The following MRAS variants were observed in gnomAD, a reference collection of about 807,000 sequenced individuals.
The protein encoded by MRAS is muscle RAS oncogene homolog.
In MRAS, 4 loss-of-function variants were observed where a neutral mutation model predicts 20.9. That is an observed-to-expected ratio of 0.19 (90% CI 0.09 to 0.44). The LOEUF (loss-of-function observed/expected upper bound fraction) is 0.44, where lower values mean the gene tolerates loss of function less well. MRAS is among the 20% of genes least tolerant of loss of function. The pLI is 0.99. For synonymous variants in MRAS, 98 were observed against 102.9 expected (o/e 0.95, Z 0.29); for missense variants, 154 against 277.5 (o/e 0.56, Z 3.16).
intron 1 of MRAS, among the ~76,000 whole-genome samples, chr3:138,365,848 G>A (rs945049037): frequency 6.6e-6 from 1 of 152,120 alleles, no homozygotes; most frequent in Admixed American, 6.6e-5. Flanking sequence ...CTCTGGGAAT[G>A]GGGGGGAGCA....
chr3:138,350,311 G>GT (rs1402455364), intron 1 of MRAS: 1 of 152,188 alleles, frequency 6.6e-6, no homozygotes, highest in East Asian at 1.9e-4. Context: ...TCGGGCAATG[G>GT]TTTTCACCCT....
intron 1 of MRAS, among the ~76,000 whole-genome samples, chr3:138,357,872 G>A (rs1462057167): frequency 6.6e-6 from 1 of 152,242 alleles, no homozygotes; most frequent in African/African-American, 2.4e-5. Context: ...CACCCTTGGA[G>A]AATGTCTCTG....
In MRAS at chr3:138,397,478, G is replaced by T; in HGVS notation, c.347+1G>T. 6.2e-7 allele frequency: 1 copy of T among 1,614,098 alleles called. No individual in the cohort carries two copies. The highest frequency in any genetic ancestry group is 8.5e-7 in the Non-Finnish European group (1 of 1,179,964). ...AGCTTATCCTGCGCGTCAAAGACAG[G>T]TGAGCATCAAAGACAGGTGAGAGTA... On this transcript the variant is annotated splice_donor_variant, in intron 3 of 5. Coordinates refer to ENST00000423968, the MANE Select transcript of MRAS (RefSeq NM_001085049.3). LOFTEE classifies it high-confidence loss of function.
At chr3:138,399,831 T>C (rs1158695174) in intron 4 of MRAS, among the ~76,000 whole-genome samples, 1 of 152,180 alleles carries the variant, frequency 6.6e-6, no homozygotes, top group African/African-American at 2.4e-5. Flanking sequence ...CCTGACCTCA[T>C]AGAGCCTTTG....
intron 1 of MRAS, among the ~76,000 whole-genome samples, chr3:138,352,732 T>C (rs561900987): frequency 6.6e-6 from 1 of 152,172 alleles, no homozygotes; most frequent in South Asian, 2.1e-4. Flanking sequence ...GTAGTGCTAG[T>C]AAGATTTTGG....
intron 2 of MRAS, among the ~76,000 whole-genome samples, chr3:138,396,192 A>G (rs1273795596): frequency 6.6e-6 from 1 of 152,356 alleles, no homozygotes; most frequent in East Asian, 1.9e-4. Flanking sequence ...AGCTCACAGC[A>G]GACCCTCCCA....
chr3:138,369,745 G>T (rs1481950025), intron 1 of MRAS, among the ~76,000 whole-genome samples: 1 of 152,150 alleles, frequency 6.6e-6, no homozygotes, highest in East Asian at 1.9e-4. Context: ...TGAGAGCAGG[G>T]TGCTGTCAAA....
At chr3:138,398,357 T>C in intron 3 of MRAS, 112 bp from the exon 4 acceptor site, 1 of 836,752 alleles carries the variant, frequency 1.2e-6, no homozygotes, top group East Asian at 2.5e-5. Context: ...CCAGGCTGAC[T>C]GGGGAGGTGC....
rs185698754 is a variant in MRAS, at chr3:138,351,405, A to G, written c.-19+2638A>G. ...GGCCCTGGGCAGGCATAGAAGGTACAGTCACCTTTATCTGGAGACAGGTAA... is the reference window on the plus strand; with the variant it reads ...GGCCCTGGGCAGGCATAGAAGGTACGGTCACCTTTATCTGGAGACAGGTAA... On this transcript the variant is annotated intron_variant, in intron 1 of 5. Transcript: ENST00000423968. Among the ~76,000 whole-genome samples, 27 of 152,344 alleles carry G rather than the reference A, an allele frequency of 1.8e-4. No homozygotes were observed. In the East Asian group the frequency reaches 4.6e-3, roughly 26 times the overall value.
chr3:138,394,573 T>C, intron 2 of MRAS, among the ~76,000 whole-genome samples: 1 of 152,152 alleles, frequency 6.6e-6, no homozygotes, highest in African/African-American at 2.4e-5. Context: ...CATCTGTATC[T>C]CTTGCCCCCT....
rs1261328896 is a variant in MRAS, at chr3:138,400,538, C to A, written c.452C>A (p.Pro151Gln). Residue 151 changes from proline (P) to glutamine (Q), a missense_variant, in exon 5 of 6, where the codon CCG becomes CAG. Pro to Gln is a moderately conservative substitution (Grantham distance 76). Around this residue, in one of 3 missense-constraint regions of MRAS, gnomAD observed 125 missense variants for 213.5 expected, o/e 0.59. Transcript: ENST00000423968. ...GKEMATKHNI[P>Q]YIETSAKDPP... ...AAGTTGAGCTTTGCCTTCCAGATTC[C>A]GTACATAGAAACCAGTGCCAAGGAC... 2.5e-6 allele frequency: 4 copies of A among 1,611,774 alleles called. No homozygotes were observed. The South Asian group carries it at 4.4e-5, about 18-fold the overall frequency.
At chr3:138,366,625 T>C (rs2054564941) in intron 1 of MRAS, among the ~76,000 whole-genome samples, 2 of 152,180 alleles carry the variant, frequency 1.3e-5, no homozygotes, top group Non-Finnish European at 2.9e-5. Context: ...TGTAGGATAG[T>C]GAATCGTGAA....
chr3:138,360,554 C>A (rs1391299644), intron 1 of MRAS, among the ~76,000 whole-genome samples: 4 of 152,252 alleles, frequency 2.6e-5, no homozygotes, highest in African/African-American at 9.6e-5. Context: ...AGGAAGGACC[C>A]CTCATCGCCA....
rs1480631903 is a variant in MRAS at position 138,403,995 on chromosome 3, T to G, written c.*1726T>G. ...TACAAAAGGAGACAGTTGAGACTTT[T>G]GCTTGTTGGAAATCAAACTTCTTAT... is the stretch of plus-strand genomic sequence containing the variant. On this transcript the variant is annotated 3_prime_UTR_variant, in exon 6 of 6. Transcript: ENST00000423968. 4 of 152,250 alleles carry G rather than the reference T, an allele frequency of 2.6e-5. No homozygotes were observed. Among genetic ancestry groups the G allele is most frequent in the Non-Finnish European group, 2.9e-5 (2 of 68,050 alleles). The allele number at this position is 152,250 out of a possible 1,614,324, so 9.4% of individuals were successfully genotyped here.
rs191533075 is a variant in MRAS, at chr3:138,405,172, G to A, written c.*2903G>A. 1.3e-5 allele frequency: 2 copies of A among 152,652 alleles called. No homozygotes were observed. The highest frequency in any genetic ancestry group is 2.1e-4 in the South Asian group (1 of 4,826). 9.5% of individuals were successfully genotyped at this position (152,652 alleles called of 1,614,324 possible). On this transcript the variant is annotated 3_prime_UTR_variant, in exon 6 of 6. Transcript: ENST00000423968. The stretch of plus-strand genomic sequence containing the variant: ...CCACCTCCTTCTCATGGCACTTGCT[G>A]TGGAAAATGCCTGGCTGGCCTCGTG...
At chr3:138,387,922 C>A (rs751652004) in intron 2 of MRAS, among the ~76,000 whole-genome samples, 2 of 152,196 alleles carry the variant, frequency 1.3e-5, no homozygotes, top group African/African-American at 2.4e-5. Context: ...GGTGTAGCCT[C>A]CAGCATGAGC....
At chr3:138,397,571 C>T (rs770795824) in intron 3 of MRAS, 94 bp downstream of exon 3, 1 of 1,449,754 alleles carries the variant, frequency 6.9e-7, no homozygotes. Context: ...CTCTCTCTCT[C>T]ACCCCTAATT....
intron 1 of MRAS, chr3:138,349,025 C>T (rs1210884503): frequency 6.8e-6 from 1 of 147,832 alleles, no homozygotes; most frequent in Non-Finnish European, 1.5e-5. Flanking sequence ...CAGAGAGACC[C>T]TTTCATGGTA....
intron 1 of MRAS, among the ~76,000 whole-genome samples, chr3:138,367,843 A>G (rs1427535367): frequency 6.6e-6 from 1 of 152,248 alleles, no homozygotes; most frequent in African/African-American, 2.4e-5. Flanking sequence ...GGTTCTACCT[A>G]TGGGGAAAGA....
Sources: allele counts gnomAD v4.1 joint callset (sites outside exome capture counted in the v4.1 genomes callset), GRCh38; gene constraint gnomAD v4.1.1; regional missense constraint gnomAD v4.1.1; transcripts MANE v1.5; gene names NCBI Gene and HGNC (gene_info 2026-07-23, HGNC 2026-07-21).